Variants in STYX observed in about 807,000 individuals in gnomAD.
STYX encodes serine/threonine/tyrosine interacting protein, also known as serine/threonine/tyrosine-interacting protein.
Under a neutral mutation model 42.7 loss-of-function variants are expected in STYX, and 20 were observed. The ratio of observed to expected loss-of-function variants is 0.47; its 90% CI spans 0.33 to 0.68. The LOEUF (loss-of-function observed/expected upper bound fraction) is 0.68. Ranked by LOEUF, STYX falls within the 30% of genes least tolerant of loss-of-function variation. The pLI, the probability that STYX is intolerant of heterozygous loss-of-function variation, is 0.02. For synonymous variants in STYX, 78 were observed against 81.9 expected (o/e 0.95, Z 0.26); for missense variants, 226 against 268.5 (o/e 0.84, Z 1.11).
At chr14:52,769,602 T>C (rs1159153388) in intron 10 of STYX, among the ~76,000 whole-genome samples, 1 of 152,182 alleles carries the variant, frequency 6.6e-6, no homozygotes, top group African/African-American at 2.4e-5. Flanking sequence ...GTGAGTAATA[T>C]GACTGTATAT....
intron 8 of STYX, among the ~76,000 whole-genome samples, chr14:52,759,334 G>A: frequency 6.6e-6 from 1 of 152,088 alleles, no homozygotes; most frequent in Non-Finnish European, 1.5e-5. Flanking sequence ...TGCCCAGGCT[G>A]GTCTCAAAGT....
chr14:52,767,950 C>T (rs764801891), intron 9 of STYX, among the ~76,000 whole-genome samples: 4 of 152,122 alleles, frequency 2.6e-5, no homozygotes, highest in Non-Finnish European at 4.4e-5. Flanking sequence ...TTCACTTCCG[C>T]CTTACCATAC....
At chr14:52,749,926 T>A (rs1297182592) in intron 3 of STYX, among the ~76,000 whole-genome samples, 2 of 152,186 alleles carry the variant, frequency 1.3e-5, no homozygotes, top group African/African-American at 4.8e-5. Flanking sequence ...TGTATGAAAT[T>A]ACGTTCAGAG....
intron 9 of STYX, among the ~76,000 whole-genome samples, chr14:52,767,826 T>C (rs1300893603): frequency 6.6e-6 from 1 of 152,212 alleles, no homozygotes; most frequent in Admixed American, 6.6e-5. Context: ...CCTAGGTATA[T>C]AGGTTTTAAA....
chr14:52,739,891 CCCAG>C (rs1881118592), intron 1 of STYX, among the ~76,000 whole-genome samples: 1 of 151,942 alleles, frequency 6.6e-6, no homozygotes, highest in Admixed American at 6.6e-5. Context: ...ATCCTCCTGC[CCCAG>C]CCTTCCAAAG....
Position 52,746,422 on chromosome 14 carries a change from C to G in STYX, c.91-4C>G. 1 of 1,534,464 alleles carries G rather than the reference C, an allele frequency of 6.5e-7. No homozygotes were observed. The highest frequency in any genetic ancestry group is 8.7e-7 in the Non-Finnish European group (1 of 1,150,606). The stretch of plus-strand genomic sequence containing the variant: ...GTAAATACCTCAAATTTTTTTTTTT[C>G]TAGGAAATTTTACCTGGATTGTTCT... On this transcript the variant is annotated splice_polypyrimidine_tract_variant and splice_region_variant and intron_variant, in intron 2 of 10. Coordinates refer to ENST00000354586, the MANE Select transcript of STYX (RefSeq NM_145251.4).
chr14:52,739,638 T>C (rs1243073746), intron 1 of STYX, among the ~76,000 whole-genome samples: 4 of 138,164 alleles, frequency 2.9e-5, no homozygotes, highest in Admixed American at 2.9e-4. Context: ...CTTTCTTTTT[T>C]TTTTTTTTTT....
chr14:52,772,254 G>T lies in STYX; in HGVS notation c.*1148G>T, dbSNP rs539484860. ...CTCTTTCTTTTTATGTTGTCTTAAT[G>T]ATTCTGTGAGATTGTTCCGGCTCAA... On this transcript the variant is annotated 3_prime_UTR_variant, in exon 11 of 11. Coordinates refer to ENST00000354586, the MANE Select transcript of STYX (RefSeq NM_145251.4). 1 of 152,176 alleles carries T rather than the reference G, an allele frequency of 6.6e-6. No individual in the cohort carries two copies. The highest frequency in any genetic ancestry group is 2.1e-4 in the South Asian group (1 of 4,824). 9.4% of individuals were successfully genotyped at this position (152,176 alleles called of 1,614,324 possible).
intron 9 of STYX, among the ~76,000 whole-genome samples, chr14:52,767,166 G>C (rs546411707): frequency 6.6e-6 from 1 of 152,310 alleles, no homozygotes; most frequent in South Asian, 2.1e-4. Context: ...AGAGATGCAC[G>C]TATTTGGGGA....
intron 1 of STYX, among the ~76,000 whole-genome samples, chr14:52,731,233 T>G (rs1880687880): frequency 6.6e-6 from 1 of 152,154 alleles, no homozygotes; most frequent in African/African-American, 2.4e-5. Context: ...CATTGCAGAC[T>G]ACTAAATTAG....
chr14:52,766,458 A>G (rs1306687159), intron 9 of STYX, among the ~76,000 whole-genome samples: 1 of 151,940 alleles, frequency 6.6e-6, no homozygotes, highest in African/African-American at 2.4e-5. Flanking sequence ...GTGAGACCAC[A>G]CACCTGGCTT....
chr14:52,756,525 C>T (rs766715849), intron 4 of STYX, 26 bp from the exon 5 acceptor site: 1 of 1,348,912 alleles, frequency 7.4e-7, no homozygotes, highest in East Asian at 2.4e-5. Flanking sequence ...TTAAAGTGTG[C>T]TTATCACAAA....
chr14:52,756,747 G>A (rs1215930929), intron 5 of STYX, 136 bp downstream of exon 5: 8 of 446,594 alleles, frequency 1.8e-5, no homozygotes, highest in Non-Finnish European at 3.1e-5. Context: ...GAGTGCAATG[G>A]CGCAATCTTG....
rs147388896 is a variant in STYX, at chr14:52,751,102, T to C, written c.242+322T>C. 3.3e-4 allele frequency among the ~76,000 whole-genome samples: 50 copies of C among 152,260 alleles called. No individual in the cohort carries two copies. In the East Asian group the frequency reaches 9.1e-3, roughly 28 times the overall value. The stretch of plus-strand genomic sequence containing the variant: ...ATAAAGGAATTGAGTATCTAGGGGA[T>C]AGGTTTAGGGAAACAGCATCTACTG... On this transcript the variant is annotated intron_variant, in intron 4 of 10. Coordinates refer to ENST00000354586, the MANE Select transcript of STYX (RefSeq NM_145251.4).
At chr14:52,757,842 G>C (rs1269604718) in intron 7 of STYX, 32 bp from the exon 8 acceptor site, 1 of 1,612,610 alleles carries the variant, frequency 6.2e-7, no homozygotes, top group South Asian at 1.1e-5. Context: ...TGTATTTTCT[G>C]GTTGTTTTTA....
chr14:52,746,456 T>C lies in STYX; in HGVS notation c.121T>C (p.Tyr41His), dbSNP rs752838623. Residue 41 changes from tyrosine (Y) to histidine (H), a missense_variant, in exon 3 of 11, where the codon TAT becomes CAT. Transcript: ENST00000354586. ...TTTACCTGGATTGTTCTTAGGCCCA[T>C]ATTCATCTGCTATGAAAAGCAAGGT... ...EILPGLFLGP[Y>H]SSAMKSKLPV... 1.3e-6 allele frequency: 2 copies of C among 1,556,086 alleles called. No homozygotes were observed. The highest frequency in any genetic ancestry group is 4.7e-5 in the Admixed American group (2 of 42,746).
rs1180566475 is a variant in STYX, at chr14:52,750,716, A to G, written c.178A>G (p.Ile60Val). 2 of 1,593,770 alleles carry G rather than the reference A, an allele frequency of 1.3e-6. No individual in the cohort carries two copies. The highest frequency in any genetic ancestry group is 1.2e-5 in the South Asian group (1 of 86,204). ...PVLQKHGITH[I>V]ICIRQNIEAN... The stretch of plus-strand genomic sequence containing the variant: ...ACTACAGAAACATGGAATAACCCAT[A>G]TAATATGCATACGACAAAATATTGA... Residue 60 changes from isoleucine to valine, a missense_variant, in exon 4 of 11, where the codon ATA becomes GTA. Physicochemically the swap from Ile to Val is conservative, Grantham distance 29 (BLOSUM62 3). Transcript: ENST00000354586.
chr14:52,773,038 CTA>C lies in STYX; in HGVS notation c.*1934_*1935del, dbSNP rs1313046990. On this transcript the variant is annotated 3_prime_UTR_variant, in exon 11 of 11. Coordinates refer to ENST00000354586, the MANE Select transcript of STYX (RefSeq NM_145251.4). ...AGATCTCTTACAGTGTAATAATAAT[CTA>C]TGATGCTTCATTTAGCAGAAACTCT... The C allele has an allele frequency of 6.6e-6, 1 of 152,016 alleles. No homozygotes were observed. Among genetic ancestry groups the C allele is most frequent in the Non-Finnish European group, 1.5e-5 (1 of 68,012 alleles). The allele number at this position is 152,016 out of a possible 1,614,324, so 9.4% of individuals were successfully genotyped here. A position where few individuals can be genotyped will look rare whatever the true frequency, so the allele number is the denominator to read the frequency against.
At chr14:52,750,230 A>G (rs1179640594) in intron 3 of STYX, among the ~76,000 whole-genome samples, 1 of 152,202 alleles carries the variant, frequency 6.6e-6, no homozygotes, top group African/African-American at 2.4e-5. Context: ...TGGGAGAGGC[A>G]AGGAGTTGTC....
Sources: gnomAD v4.1 joint callset for allele counts (sites outside exome capture counted in the v4.1 genomes callset) on GRCh38, gnomAD v4.1.1 for gene constraint, MANE v1.5 for transcripts, NCBI Gene and HGNC (gene_info 2026-07-23, HGNC 2026-07-21) for gene names.